Variants in UBE3A observed in about 807,000 individuals in gnomAD.
UBE3A encodes the protein ubiquitin-protein ligase E3A.
In UBE3A, 6 loss-of-function variants were observed where a neutral mutation model predicts 83.4. The observed-to-expected ratio is 0.07, with a 90% CI of 0.04 to 0.14. The LOEUF (loss-of-function observed/expected upper bound fraction) is 0.14. UBE3A is among the 10% of genes least tolerant of loss of function. UBE3A has a pLI of 1.00. For missense variants in UBE3A, 456 were observed against 1,036.1 expected, an observed-to-expected ratio of 0.44 and a Z score of 7.69; for synonymous variants, 337 against 355.4, an observed-to-expected ratio of 0.95 and a Z score of 0.58.
intron 3 of UBE3A, 156 bp from the exon 4 acceptor site, chr15:25,405,658 G>C: frequency 1.3e-6 from 1 of 759,962 alleles, no homozygotes; most frequent in South Asian, 1.7e-5. Flanking sequence ...AAAGTGGTCA[G>C]ATCAGGTGGC....
chr15:25,353,036 G>T (rs1453323927), intron 11 of UBE3A, among the ~76,000 whole-genome samples: 1 of 152,132 alleles, frequency 6.6e-6, no homozygotes, highest in African/African-American at 2.4e-5. Flanking sequence ...GATGCATCAA[G>T]ATATGACTTT....
chr15:25,392,506 T>A (rs2084636201), intron 4 of UBE3A, among the ~76,000 whole-genome samples: 1 of 152,314 alleles, frequency 6.6e-6, no homozygotes, highest in Non-Finnish European at 1.5e-5. Context: ...TACTTCAGTA[T>A]AAATTCTGCT....
intron 1 of UBE3A, among the ~76,000 whole-genome samples, chr15:25,426,555 T>C (rs1158368648): frequency 2.0e-5 from 3 of 152,220 alleles, no homozygotes; most frequent in African/African-American, 7.2e-5. Flanking sequence ...TTTTCAAGTT[T>C]AATCTGTTAC....
At chr15:25,404,055 C>CA (rs375897788) in intron 4 of UBE3A, among the ~76,000 whole-genome samples, 6 of 152,034 alleles carry the variant, frequency 3.9e-5, no homozygotes, top group African/African-American at 1.2e-4. Flanking sequence ...ACCATTGAGC[C>CA]AAATACTTAA....
chr15:25,365,947 G>A (rs529374161), intron 6 of UBE3A, among the ~76,000 whole-genome samples: 6 of 152,132 alleles, frequency 3.9e-5, no homozygotes, highest in East Asian at 1.9e-4. Flanking sequence ...ACATAATCAC[G>A]TTCGTCCATG....
chr15:25,403,978 C>T (rs2153042139), intron 4 of UBE3A, among the ~76,000 whole-genome samples: 1 of 152,208 alleles, frequency 6.6e-6, no homozygotes, highest in Non-Finnish European at 1.5e-5. Context: ...TTAATGGGTA[C>T]AGAGTTTCAG....
chr15:25,350,988 T>C (rs2076412987), intron 11 of UBE3A, among the ~76,000 whole-genome samples: 1 of 152,178 alleles, frequency 6.6e-6, no homozygotes, highest in South Asian at 2.1e-4. Context: ...GAAATATGGT[T>C]ACATAAATGT....
intron 1 of UBE3A, among the ~76,000 whole-genome samples, chr15:25,423,502 C>T (rs1890422865): frequency 6.6e-6 from 1 of 152,070 alleles, no homozygotes; most frequent in Non-Finnish European, 1.5e-5. Context: ...ACCGAATTTC[C>T]AAAACAGGCA....
chr15:25,367,198 C>A (rs527955279), intron 6 of UBE3A, among the ~76,000 whole-genome samples: 3 of 108,922 alleles, frequency 2.8e-5, no homozygotes, highest in East Asian at 2.3e-4. Flanking sequence ...TAAATATTTA[C>A]ATATTTGTAA....
Position 25,356,841 on chromosome 15 carries a change from A to G in UBE3A, c.1809T>C (p.Phe603=), listed in dbSNP as rs766144091. 3.7e-6 allele frequency: 6 copies of G among 1,613,734 alleles called. No homozygotes were observed. Among genetic ancestry groups the G allele is most frequent in the Admixed American group, 3.3e-5 (2 of 59,998 alleles). Residue 603 remains phenylalanine (F), a synonymous_variant, in exon 8 of 13, where the codon TTT becomes TTC. Transcript: ENST00000648336. Reference sequence around the variant, plus strand: ...TCAGAGTAAACTGACCCTCAGTTTCAAAAGAAGATGGATTAAACCAAAACA... The same window carrying G: ...TCAGAGTAAACTGACCCTCAGTTTCGAAAGAAGATGGATTAAACCAAAACA... ...TKLFWFNPSS[F]ETEGQFTLIG... is the part of the protein sequence containing the mutation.
chr15:25,406,966 G>A, intron 3 of UBE3A: 1 of 619,392 alleles, frequency 1.6e-6, no homozygotes, highest in South Asian at 2.5e-5. Context: ...ACTAAAAACT[G>A]GGGCATGCTG....
In UBE3A at chr15:25,338,431, GTTGTTT is replaced by G. The variant is rs903412591; in HGVS notation, c.*700_*705del. On this transcript the variant is annotated 3_prime_UTR_variant, in exon 13 of 13. Coordinates refer to ENST00000648336, the MANE Select transcript of UBE3A (RefSeq NM_130839.5). ...ATGAAGACGACATACTGTGGCATGA[GTTGTTT>G]TTGTTTTTAATTTGTTGTGCTGTTA... 7.2e-5 allele frequency: 11 copies of G among 152,090 alleles called. No individual in the cohort carries two copies. Among genetic ancestry groups the G allele is most frequent in the African/African-American group, 2.7e-4 (11 of 41,426 alleles). 9.4% of individuals were successfully genotyped at this position (152,090 alleles called of 1,614,324 possible).
chr15:25,396,802 T>C (rs976651106), intron 4 of UBE3A, among the ~76,000 whole-genome samples: 3 of 152,176 alleles, frequency 2.0e-5, no homozygotes, highest in Non-Finnish European at 4.4e-5. Context: ...TTTTTTACTA[T>C]GCTCTTCTAC....
chr15:25,356,329 AGGTGGG>A (rs1353875626), intron 8 of UBE3A, among the ~76,000 whole-genome samples: 1 of 114,596 alleles, frequency 8.7e-6, no homozygotes, highest in African/African-American at 3.3e-5. Flanking sequence ...TGGTGTCTCA[AGGTGGG>A]GGTGGGGGTG....
chr15:25,437,947 T>TGGTGGCCGGTAACACAG, intron 1 of UBE3A: 1 of 152,448 alleles, frequency 6.6e-6, no homozygotes, highest in East Asian at 1.9e-4. Flanking sequence ...TCAGAAATCC[T>TGGTGGCCGGTAACACAG]GGTGGCCGGT....
intron 1 of UBE3A, among the ~76,000 whole-genome samples, chr15:25,428,624 T>C (rs1395529182): frequency 1.3e-5 from 2 of 152,180 alleles, no homozygotes; most frequent in Non-Finnish European, 2.9e-5. Context: ...TTTTGAGATA[T>C]TTAAAACATA....
In UBE3A at chr15:25,371,964, G is replaced by A. The variant is rs1299770725; in HGVS notation, c.362-152C>T. On this transcript the variant is annotated intron_variant, in intron 5 of 12. Coordinates refer to ENST00000648336, the MANE Select transcript of UBE3A (RefSeq NM_130839.5). This position sits in a 1 kb window ranked among gnomAD's most constrained non-coding sequence, Gnocchi z 5.3. ...TTAAAGTATCTAATACTTAGATTCA[G>A]CAAACAAAATTTAATGCTTACCTAT... The A allele has an allele frequency of 2.4e-6, 2 of 847,576 alleles. No homozygotes were observed. The highest frequency in any genetic ancestry group is 2.9e-5 in the Admixed American group (1 of 33,900). 52.5% of individuals were successfully genotyped at this position (847,576 alleles called of 1,614,324 possible). A position where few individuals can be genotyped will look rare whatever the true frequency, so the allele number is the denominator to read the frequency against.
rs1025746581 is a variant in UBE3A at position 25,338,919 on chromosome 15, C to T, written c.*218G>A. 2.0e-5 allele frequency: 6 copies of T among 303,382 alleles called. No individual in the cohort carries two copies. The highest frequency in any genetic ancestry group is 1.8e-4 in the East Asian group (3 of 16,966). The allele number at this position is 303,382 out of a possible 1,614,324, so 18.8% of individuals were successfully genotyped here. A position where few individuals can be genotyped will look rare whatever the true frequency, so the allele number is the denominator to read the frequency against. ...TTATAATAATAATAAAGGATTTGTT[C>T]ATATATGTAGCTGAAATCTGCTGTT... On this transcript the variant is annotated 3_prime_UTR_variant, in exon 13 of 13. Coordinates refer to ENST00000648336, the MANE Select transcript of UBE3A (RefSeq NM_130839.5).
intron 4 of UBE3A, among the ~76,000 whole-genome samples, chr15:25,396,409 C>G (rs553419346): frequency 5.9e-5 from 9 of 152,114 alleles, no homozygotes; most frequent in Admixed American, 2.6e-4. Context: ...AGTTCAAGAC[C>G]AGCCTGGGCA....
Sources: allele counts gnomAD v4.1 joint callset (sites outside exome capture counted in the v4.1 genomes callset), GRCh38; gene constraint gnomAD v4.1.1; non-coding constraint Gnocchi (gnomAD v3.1); transcripts MANE v1.5; gene names NCBI Gene and HGNC (gene_info 2026-07-23, HGNC 2026-07-21).